Variants in CNTNAP5 observed in about 807,000 individuals in gnomAD.
The protein encoded by CNTNAP5 is contactin-associated protein-like 5.
CNTNAP5 carries 72 observed loss-of-function variants against 150.2 expected under a neutral mutation model. The observed-to-expected ratio is 0.48, with a 90% CI of 0.40 to 0.58. The LOEUF (loss-of-function observed/expected upper bound fraction) is 0.58, where lower values mean the gene tolerates loss of function less well. Among genes scored for constraint, CNTNAP5 ranks in the 20% least tolerant of loss-of-function variants. The probability of loss-of-function intolerance (pLI) is 0.00; values close to 1 mark genes in which losing one functional copy is unlikely to be tolerated. For synonymous variants in CNTNAP5, 672 were observed against 619.8 expected (o/e 1.08, Z -1.25); for missense variants, 1,636 against 1,626.2 (o/e 1.01, Z -0.10).
At chr2:124,546,747 C>T (rs1395530003) in intron 10 of CNTNAP5, among the ~76,000 whole-genome samples, 2 of 152,124 alleles carry the variant, frequency 1.3e-5, no homozygotes, top group African/African-American at 4.8e-5. Flanking sequence ...GCCTCTTTTT[C>T]CTTCTAGTAT....
intron 11 of CNTNAP5, among the ~76,000 whole-genome samples, chr2:124,593,211 T>C (rs1696741452): frequency 6.8e-6 from 1 of 146,668 alleles, no homozygotes; most frequent in South Asian, 2.2e-4. Flanking sequence ...TGTATACATG[T>C]GCCATGCTGG....
At chr2:124,677,325 A>C (rs962288845) in intron 13 of CNTNAP5, among the ~76,000 whole-genome samples, 1 of 152,204 alleles carries the variant, frequency 6.6e-6, no homozygotes, top group African/African-American at 2.4e-5. Flanking sequence ...TGAGTGTTAC[A>C]GCTCATAAAG....
Position 124,811,039 on chromosome 2 carries a change from G to A in CNTNAP5, c.3217+12719G>A, listed in dbSNP as rs1164447850. Among the ~76,000 whole-genome samples the A allele has an allele frequency of 3.3e-5, 5 of 152,100 alleles. No homozygotes were observed. The East Asian group carries it at 9.6e-4, about 29-fold the overall frequency. On this transcript the variant is annotated intron_variant, in intron 19 of 23. Transcript: ENST00000682447. Reference sequence around the variant, plus strand: ...TGGAAGGAGGATCCTAGAAAAGTCTGCAAGTAACAAATACCAGCTTTATCA... The same window carrying A: ...TGGAAGGAGGATCCTAGAAAAGTCTACAAGTAACAAATACCAGCTTTATCA...
At chr2:124,151,558 ATC>A (rs1684406105) in intron 1 of CNTNAP5, among the ~76,000 whole-genome samples, 3 of 152,164 alleles carry the variant, frequency 2.0e-5, no homozygotes, top group Non-Finnish European at 2.9e-5. Flanking sequence ...TACTAATTAA[ATC>A]TCTGTTTCAG....
intron 1 of CNTNAP5, among the ~76,000 whole-genome samples, chr2:124,220,230 A>G (rs2104738640): frequency 6.6e-6 from 1 of 152,190 alleles, no homozygotes; most frequent in South Asian, 2.1e-4. Context: ...CACATTTTAA[A>G]TTTGTTTTGA....
intron 13 of CNTNAP5, among the ~76,000 whole-genome samples, chr2:124,683,594 C>T (rs538866457): frequency 8.5e-5 from 13 of 152,244 alleles, no homozygotes; most frequent in Middle Eastern, 3.4e-3. Context: ...GCCTTTGCAT[C>T]CTTATCATTG....
intron 21 of CNTNAP5, among the ~76,000 whole-genome samples, chr2:124,889,394 C>T (rs546329572): frequency 6.6e-6 from 1 of 152,030 alleles, no homozygotes; most frequent in East Asian, 1.9e-4. Context: ...CCCAGCCTTA[C>T]ATTTAATCTT....
intron 21 of CNTNAP5, among the ~76,000 whole-genome samples, chr2:124,878,382 C>T (rs1417610147): frequency 1.3e-5 from 2 of 152,026 alleles, no homozygotes; most frequent in Non-Finnish European, 2.9e-5. Flanking sequence ...TTCCAAAAAT[C>T]TGGTGGTAAT....
intron 3 of CNTNAP5, among the ~76,000 whole-genome samples, chr2:124,265,031 A>G (rs1246379990): frequency 6.6e-6 from 1 of 152,310 alleles, no homozygotes; most frequent in East Asian, 1.9e-4. Flanking sequence ...TCTCACCCAT[A>G]AATGGTGTTG....
intron 1 of CNTNAP5, among the ~76,000 whole-genome samples, chr2:124,172,682 G>A (rs1369919579): frequency 6.6e-6 from 1 of 152,060 alleles, no homozygotes; most frequent in African/African-American, 2.4e-5. Flanking sequence ...CCAAAGTGCC[G>A]GGATTACAGG....
chr2:124,559,975 C>A (rs1047830913), intron 10 of CNTNAP5, among the ~76,000 whole-genome samples: 7 of 152,202 alleles, frequency 4.6e-5, no homozygotes, highest in Middle Eastern at 3.4e-3. Flanking sequence ...TACTCTTTTA[C>A]CCTTCCAGGA....
Position 124,614,358 on chromosome 2 carries a change from G to C in CNTNAP5, c.1876+4438G>C, listed in dbSNP as rs558427523. ...CTTCACTCAAGAAAGAATTTGGGGA[G>C]AGTCTATACAGTAAAGTTAAAGCAA... On this transcript the variant is annotated intron_variant, in intron 12 of 23. Transcript: ENST00000682447. Among the ~76,000 whole-genome samples the C allele has an allele frequency of 9.2e-5, 14 of 152,298 alleles. No homozygotes were observed. The East Asian group carries it at 2.1e-3, about 23-fold the overall frequency.
At chr2:124,506,664 G>A (rs891931044) in intron 8 of CNTNAP5, among the ~76,000 whole-genome samples, 1 of 152,112 alleles carries the variant, frequency 6.6e-6, no homozygotes, top group Admixed American at 6.5e-5. Flanking sequence ...GATAAACTTT[G>A]TCTCATATGC....
At chr2:124,235,421 G>T (rs555205331) in intron 2 of CNTNAP5, among the ~76,000 whole-genome samples, 3 of 151,922 alleles carry the variant, frequency 2.0e-5, no homozygotes, top group African/African-American at 7.3e-5. Flanking sequence ...TTCTCCTCTC[G>T]GTGTTTCTCT....
At chr2:124,824,441 G>T (rs1246174715) in intron 19 of CNTNAP5, among the ~76,000 whole-genome samples, 1 of 152,122 alleles carries the variant, frequency 6.6e-6, no homozygotes. Flanking sequence ...TGATGAAACA[G>T]TTCACTATGA....
At chr2:124,768,886 A>G (rs1212580981) in intron 16 of CNTNAP5, among the ~76,000 whole-genome samples, 1 of 152,210 alleles carries the variant, frequency 6.6e-6, no homozygotes, top group Non-Finnish European at 1.5e-5. Flanking sequence ...AGAGATAGAA[A>G]ATGTGGCTGC....
intron 1 of CNTNAP5, among the ~76,000 whole-genome samples, chr2:124,195,727 A>G (rs956435875): frequency 6.6e-6 from 1 of 152,186 alleles, no homozygotes; most frequent in African/African-American, 2.4e-5. Context: ...GGAGTGATCA[A>G]ACAGAGACTA....
At chr2:124,560,357 A>G (rs998693498) in intron 10 of CNTNAP5, among the ~76,000 whole-genome samples, 2 of 151,986 alleles carry the variant, frequency 1.3e-5, no homozygotes, top group African/African-American at 2.4e-5. Context: ...CATCTCTACT[A>G]AAAATACAAA....
At chr2:124,719,924 A>G (rs1680016978) in intron 13 of CNTNAP5, among the ~76,000 whole-genome samples, 1 of 152,128 alleles carries the variant, frequency 6.6e-6, no homozygotes. Flanking sequence ...TCTTGGTAGT[A>G]GATGATTTAT....
Sources: allele counts gnomAD v4.1 joint callset (sites outside exome capture counted in the v4.1 genomes callset), GRCh38; gene constraint gnomAD v4.1.1; transcripts MANE v1.5; gene names NCBI Gene and HGNC (gene_info 2026-07-23, HGNC 2026-07-21).